GRM5: variants seen among roughly 807,000 people sequenced by gnomAD.
The protein encoded by GRM5 is glutamate metabotropic receptor 5.
GRM5 carries 19 observed loss-of-function variants against 83.1 expected under a neutral mutation model. The observed-to-expected ratio is 0.23, with a 90% CI of 0.16 to 0.34. GRM5 has a LOEUF of 0.34. GRM5 is among the 10% of genes least tolerant of loss of function. GRM5 has a pLI of 1.00. For synonymous variants in GRM5, 675 were observed against 633.6 expected, an observed-to-expected ratio of 1.07 and a Z score of -0.98; for missense variants, 1,160 against 1,588.3, an observed-to-expected ratio of 0.73 and a Z score of 4.58.
intron 2 of GRM5, among the ~76,000 whole-genome samples, chr11:88,918,451 T>A (rs867736391): frequency 7.3e-5 from 11 of 150,870 alleles, no homozygotes; most frequent in East Asian, 1.9e-4. Context: ...TAAATTAATT[T>A]AAAAAAAAAC....
chr11:88,712,011 G>A (rs1425544798), intron 3 of GRM5, among the ~76,000 whole-genome samples: 1 of 152,056 alleles, frequency 6.6e-6, no homozygotes, highest in Admixed American at 6.6e-5. Context: ...ACGCACAAGA[G>A]TTTTTTCTCA....
At chr11:88,777,351 A>C (rs1942878039) in intron 3 of GRM5, among the ~76,000 whole-genome samples, 1 of 152,050 alleles carries the variant, frequency 6.6e-6, no homozygotes, top group Admixed American at 6.5e-5. Flanking sequence ...TCTTTTTTCA[A>C]GGTTTTTAGC....
At chr11:88,753,716 T>C (rs893182562) in intron 3 of GRM5, among the ~76,000 whole-genome samples, 1 of 152,118 alleles carries the variant, frequency 6.6e-6, no homozygotes, top group African/African-American at 2.4e-5. Context: ...ATGTGTTACA[T>C]AGACACTGTA....
intron 3 of GRM5, among the ~76,000 whole-genome samples, chr11:88,830,772 T>C (rs11021502): frequency 0.025 from 3,866 of 152,192 alleles, 172 homozygotes; most frequent in African/African-American, 0.089. Flanking sequence ...GATAAAGACA[T>C]ACCCAAGACT....
intron 3 of GRM5, among the ~76,000 whole-genome samples, chr11:88,702,430 T>C (rs1473837813): frequency 6.6e-6 from 1 of 152,032 alleles, no homozygotes; most frequent in East Asian, 1.9e-4. Context: ...CTCACAGGTG[T>C]CACCAAAATT....
chr11:88,858,577 G>T (rs1459876884), intron 2 of GRM5, among the ~76,000 whole-genome samples: 1 of 151,946 alleles, frequency 6.6e-6, no homozygotes, highest in Admixed American at 6.6e-5. Context: ...ATTTAAAGAA[G>T]AATACGTGAC....
chr11:89,006,368 ATGAGC>A (rs1940523684), intron 2 of GRM5, among the ~76,000 whole-genome samples: 1 of 152,212 alleles, frequency 6.6e-6, no homozygotes, highest in South Asian at 2.1e-4. Context: ...CTATTTCCAA[ATGAGC>A]TGACAGTCTT....
At chr11:88,541,511 T>A (rs17762101) in intron 8 of GRM5, among the ~76,000 whole-genome samples, 16,932 of 152,210 alleles carry the variant, frequency 0.11, 1,241 homozygotes, top group Non-Finnish European at 0.16. Flanking sequence ...TATAGATAGA[T>A]ATACCATAGC....
intron 3 of GRM5, among the ~76,000 whole-genome samples, chr11:88,678,733 C>G (rs756440221): frequency 6.6e-6 from 1 of 152,064 alleles, no homozygotes; most frequent in African/African-American, 2.4e-5. Context: ...CTGATTTTAT[C>G]TACTCTGAGG....
rs77899174 is a variant in GRM5 at position 88,779,051 on chromosome 11, T to C, written c.911+70855A>G. On this transcript the variant is annotated intron_variant, in intron 3 of 9. Coordinates refer to ENST00000305447, the MANE Select transcript of GRM5 (RefSeq NM_001143831.3). Reference sequence around the variant, plus strand: ...CATAATTTATTATTGAGTTTAATTCTCACAAAAATCTTTTATAGATGAAGA... The same window carrying C: ...CATAATTTATTATTGAGTTTAATTCCCACAAAAATCTTTTATAGATGAAGA... Among the ~76,000 whole-genome samples, 1,168 of 152,322 alleles carry C rather than the reference T, an allele frequency of 7.7e-3. 15 individuals are homozygous for C. The highest frequency in any genetic ancestry group is 0.027 in the African/African-American group (1,109 of 41,574).
intron 3 of GRM5, among the ~76,000 whole-genome samples, chr11:88,810,217 A>G (rs1160029972): frequency 6.6e-6 from 1 of 152,118 alleles, no homozygotes; most frequent in East Asian, 1.9e-4. Context: ...GGTGCTATGT[A>G]TGGCAGTAAC....
At chr11:89,042,876 A>G (rs1233376319) in intron 2 of GRM5, among the ~76,000 whole-genome samples, 2 of 146,924 alleles carry the variant, frequency 1.4e-5, no homozygotes, top group African/African-American at 2.7e-5. Flanking sequence ...CCTGAAGACC[A>G]TATCTTCAAT....
chr11:88,809,355 T>A (rs1590874088), intron 3 of GRM5, among the ~76,000 whole-genome samples: 1 of 152,070 alleles, frequency 6.6e-6, no homozygotes, highest in African/African-American at 2.4e-5. Context: ...GTTTAAGCTC[T>A]CAGCTTCATC....
At chr11:88,823,370 T>C (rs1424340630) in intron 3 of GRM5, among the ~76,000 whole-genome samples, 2 of 152,046 alleles carry the variant, frequency 1.3e-5, no homozygotes, top group Non-Finnish European at 2.9e-5. Flanking sequence ...AAGGATATTA[T>C]TATTAGTTCT....
chr11:88,559,335 A>G (rs1942703567), intron 8 of GRM5, among the ~76,000 whole-genome samples: 2 of 152,134 alleles, frequency 1.3e-5, no homozygotes, highest in South Asian at 4.1e-4. Context: ...TAGGGCTGCC[A>G]TGTTTGTCAT....
chr11:89,014,574 A>C (rs1245281367), intron 2 of GRM5, among the ~76,000 whole-genome samples: 1 of 152,144 alleles, frequency 6.6e-6, no homozygotes, highest in African/African-American at 2.4e-5. Context: ...ATGGGTACAA[A>C]AACAAAATAG....
chr11:88,969,363 G>A (rs186380160), intron 2 of GRM5, among the ~76,000 whole-genome samples: 1 of 152,044 alleles, frequency 6.6e-6, no homozygotes, highest in African/African-American at 2.4e-5. Context: ...CCTTCTGCAG[G>A]TAGTTTTAGG....
chr11:88,664,125 T>C (rs2135321669), intron 3 of GRM5, among the ~76,000 whole-genome samples: 1 of 152,310 alleles, frequency 6.6e-6, no homozygotes, highest in Non-Finnish European at 1.5e-5. Context: ...AAAATTATCA[T>C]TCCCTTCAAC....
intron 3 of GRM5, among the ~76,000 whole-genome samples, chr11:88,659,205 C>T (rs915868943): frequency 6.6e-6 from 1 of 152,096 alleles, no homozygotes; most frequent in African/African-American, 2.4e-5. Context: ...AACAACATTG[C>T]ATGTAGCTCC....
Sources: gnomAD v4.1 joint callset for allele counts (sites outside exome capture counted in the v4.1 genomes callset) on GRCh38, gnomAD v4.1.1 for gene constraint, MANE v1.5 for transcripts, NCBI Gene and HGNC (gene_info 2026-07-23, HGNC 2026-07-21) for gene names.